The following MAP4K5 variants were observed in gnomAD, a reference collection of about 807,000 sequenced individuals.
MAP4K5 encodes the protein MAPK/ERK kinase kinase kinase 5.
In MAP4K5, 82 loss-of-function variants were observed where a neutral mutation model predicts 135.6. The observed-to-expected ratio is 0.60, with a 90% CI of 0.51 to 0.73. The LOEUF (loss-of-function observed/expected upper bound fraction) is 0.73, where lower values mean the gene tolerates loss of function less well. Ranked by LOEUF, MAP4K5 falls within the 30% of genes least tolerant of loss-of-function variation. MAP4K5 has a pLI of 0.00. For synonymous variants in MAP4K5, 347 were observed against 335.0 expected (o/e 1.04, Z -0.39); for missense variants, 907 against 1,010.9 (o/e 0.90, Z 1.39).
At chr14:50,484,334 T>TTG (rs894958004) in intron 5 of MAP4K5, among the ~76,000 whole-genome samples, 14 of 152,210 alleles carry the variant, frequency 9.2e-5, no homozygotes, top group African/African-American at 3.4e-4. Context: ...GGATTATTTG[T>TTG]TGTGACAAAA....
rs376459553 is a variant in MAP4K5, at chr14:50,464,045, G to A, written c.819+7C>T. The A allele has an allele frequency of 1.9e-5, 29 of 1,507,478 alleles. No individual in the cohort carries two copies. Among genetic ancestry groups the A allele is most frequent in the Non-Finnish European group, 2.5e-5 (28 of 1,108,114 alleles). 93.4% of individuals were successfully genotyped at this position (1,507,478 alleles called of 1,614,324 possible). On this transcript the variant is annotated splice_region_variant and intron_variant, in intron 12 of 32. Transcript: ENST00000682126. ...TAGGAAGACCCCTCGTAATTTCAATGACTTACAGTCAGAAGTCTTTCAGCA... is the reference window on the plus strand; with the variant it reads ...TAGGAAGACCCCTCGTAATTTCAATAACTTACAGTCAGAAGTCTTTCAGCA...
intron 6 of MAP4K5, among the ~76,000 whole-genome samples, chr14:50,479,010 T>G (rs1360946738): frequency 1.3e-5 from 2 of 150,012 alleles, no homozygotes; most frequent in African/African-American, 4.9e-5. Flanking sequence ...TTTTCGTTTT[T>G]TTTTTTTTTG....
intron 14 of MAP4K5, among the ~76,000 whole-genome samples, chr14:50,452,001 T>C (rs1292645967): frequency 6.6e-6 from 1 of 152,192 alleles, no homozygotes; most frequent in Non-Finnish European, 1.5e-5. Context: ...AATTTTGATC[T>C]TTTCCCAGTC....
intron 2 of MAP4K5, among the ~76,000 whole-genome samples, chr14:50,511,622 A>C (rs2140048699): frequency 6.6e-6 from 1 of 152,294 alleles, no homozygotes; most frequent in East Asian, 1.9e-4. Flanking sequence ...AATTTTCCTG[A>C]TCACTACAAA....
chr14:50,461,976 G>A (rs944657344), intron 13 of MAP4K5, among the ~76,000 whole-genome samples: 1 of 151,460 alleles, frequency 6.6e-6, no homozygotes, highest in African/African-American at 2.4e-5. Flanking sequence ...GAGAAGGCAA[G>A]CACAGTTATG....
intron 2 of MAP4K5, among the ~76,000 whole-genome samples, chr14:50,509,031 C>A (rs2037873610): frequency 1.3e-5 from 2 of 152,086 alleles, no homozygotes; most frequent in Non-Finnish European, 2.9e-5. Context: ...CACATATATA[C>A]CATCGAATAC....
chr14:50,466,508 C>A, intron 11 of MAP4K5, 75 bp downstream of exon 11: 1 of 708,850 alleles, frequency 1.4e-6, no homozygotes, highest in Non-Finnish European at 2.4e-6. Context: ...GTTTAATCAT[C>A]TGCAAAATAT....
intron 14 of MAP4K5, among the ~76,000 whole-genome samples, chr14:50,451,543 A>G (rs1384752506): frequency 6.6e-6 from 1 of 152,190 alleles, no homozygotes; most frequent in African/African-American, 2.4e-5. Context: ...CAAAACCCAC[A>G]AAAGTTTCAT....
At chr14:50,420,278 G>A (rs1296861722) in intron 32 of MAP4K5, among the ~76,000 whole-genome samples, 172 bp from the exon 33 acceptor site, 1 of 152,102 alleles carries the variant, frequency 6.6e-6, no homozygotes, top group Non-Finnish European at 1.5e-5. Flanking sequence ...AACACAATAA[G>A]AATTGATGAA....
intron 1 of MAP4K5, chr14:50,558,950 T>C (rs558495084): frequency 3.5e-4 from 53 of 152,360 alleles, no homozygotes; most frequent in African/African-American, 1.2e-3. Flanking sequence ...TGAAATATAA[T>C]GCATAAGATT....
chr14:50,537,794 A>C (rs772334694), intron 2 of MAP4K5, among the ~76,000 whole-genome samples: 3 of 152,200 alleles, frequency 2.0e-5, no homozygotes, highest in Non-Finnish European at 4.4e-5. Context: ...CATTTCTCCC[A>C]TTTTGAATGG....
chr14:50,514,353 G>T (rs1167985366), intron 2 of MAP4K5, among the ~76,000 whole-genome samples: 1 of 152,132 alleles, frequency 6.6e-6, no homozygotes, highest in Non-Finnish European at 1.5e-5. Flanking sequence ...AAAGTGCTGG[G>T]ATTACAGGCG....
At chr14:50,528,258 G>T (rs2038309773) in intron 2 of MAP4K5, among the ~76,000 whole-genome samples, 1 of 152,082 alleles carries the variant, frequency 6.6e-6, no homozygotes, top group Admixed American at 6.6e-5. Context: ...GCCAATATAA[G>T]ATTGAACTCT....
intron 2 of MAP4K5, among the ~76,000 whole-genome samples, chr14:50,505,583 C>T (rs1234701396): frequency 6.6e-6 from 1 of 152,142 alleles, no homozygotes; most frequent in Non-Finnish European, 1.5e-5. Flanking sequence ...CAATGAATAT[C>T]ATTACCAATA....
In MAP4K5 at chr14:50,418,691, A is replaced by G. The variant is rs1464132770; in HGVS notation, c.*1328T>C. On this transcript the variant is annotated 3_prime_UTR_variant, in exon 33 of 33. Transcript: ENST00000682126. ...AAAATAGAGATAATACTTATTTTACAGAATTGCTAAATACTGAATGAGATA... is the reference window on the plus strand; with the variant it reads ...AAAATAGAGATAATACTTATTTTACGGAATTGCTAAATACTGAATGAGATA... 6.6e-6 allele frequency: 1 copy of G among 152,524 alleles called. No individual in the cohort carries two copies. Among genetic ancestry groups the G allele is most frequent in the African/African-American group, 2.4e-5 (1 of 41,464 alleles). The allele number at this position is 152,524 out of a possible 1,614,324, so 9.4% of individuals were successfully genotyped here.
chr14:50,450,428 A>AT (rs2036457945), intron 14 of MAP4K5: 1 of 152,164 alleles, frequency 6.6e-6, no homozygotes, highest in African/African-American at 2.4e-5. Context: ...TAAGAGCCAT[A>AT]TTTACCCTGA....
At chr14:50,480,157 G>T (rs61984290) in intron 6 of MAP4K5, among the ~76,000 whole-genome samples, 1 of 151,194 alleles carries the variant, frequency 6.6e-6, no homozygotes. Context: ...GCTTCATATT[G>T]GTTTTTTTTT....
In MAP4K5 at chr14:50,420,071, G is replaced by A; in HGVS notation, c.2489C>T (p.Pro830Leu). Residue 830 changes from proline to leucine, a missense_variant, in exon 33 of 33, where the codon CCT (proline) becomes CTT (leucine). Coordinates refer to ENST00000682126, the MANE Select transcript of MAP4K5 (RefSeq NM_006575.6). ...GATGTAGAGATTGCTGTGTGCAGTA[G>A]GATTTTCTGTTGGCCTACTTTCCAA... ...VVLESRPTEN[P>L]TAHSNLYILA... 2 of 1,610,884 alleles carry A rather than the reference G, an allele frequency of 1.2e-6. No individual in the cohort carries two copies. Among genetic ancestry groups the A allele is most frequent in the Non-Finnish European group, 1.7e-6 (2 of 1,178,492 alleles).
intron 2 of MAP4K5, among the ~76,000 whole-genome samples, chr14:50,506,269 T>C (rs1418910763): frequency 3.9e-5 from 6 of 152,018 alleles, no homozygotes; most frequent in South Asian, 4.2e-4. Flanking sequence ...AAAAATGACA[T>C]ACAGAGGGTG....
Sources: allele counts gnomAD v4.1 joint callset (sites outside exome capture counted in the v4.1 genomes callset), GRCh38; gene constraint gnomAD v4.1.1; transcripts MANE v1.5; gene names NCBI Gene and HGNC (gene_info 2026-07-23, HGNC 2026-07-21).